HMCN1: variants seen among roughly 807,000 people sequenced by gnomAD.
HMCN1 encodes the protein hemicentin-1.
HMCN1 carries 321 observed loss-of-function variants against 625.9 expected under a neutral mutation model. The ratio of observed to expected loss-of-function variants is 0.51; its 90% confidence interval spans 0.47 to 0.56. The LOEUF is 0.56. Ranked by LOEUF, HMCN1 falls within the 20% of genes least tolerant of loss-of-function variation. The pLI, the probability that HMCN1 is intolerant of heterozygous loss-of-function variation, is 0.00. For synonymous variants in HMCN1, 2,425 were observed against 2,417.6 expected (o/e 1.00, Z -0.09); for missense variants, 6,588 against 6,887.3 (o/e 0.96, Z 1.54).
chr1:186,088,284 A>G lies in HMCN1; in HGVS notation c.9577+8A>G. Reference sequence around the variant, plus strand: ...AGAACCACAAGCGCATAGGTAAGGCAACCATGCATTTTTGTGTGTGTGTGT... The same window carrying G: ...AGAACCACAAGCGCATAGGTAAGGCGACCATGCATTTTTGTGTGTGTGTGT... On this transcript the variant is annotated splice_region_variant and intron_variant, in intron 62 of 106. Coordinates refer to ENST00000271588, the MANE Select transcript of HMCN1 (RefSeq NM_031935.3). The G allele has an allele frequency of 6.2e-7, 1 of 1,612,488 alleles. No homozygotes were observed. The highest frequency in any genetic ancestry group is 8.5e-7 in the Non-Finnish European group (1 of 1,178,996).
Position 186,067,957 on chromosome 1 carries a change from T to G in HMCN1, c.7829T>G (p.Phe2610Cys). 1 of 1,613,814 alleles carries G rather than the reference T, an allele frequency of 6.2e-7. No individual in the cohort carries two copies. Among genetic ancestry groups the G allele is most frequent in the Non-Finnish European group, 8.5e-7 (1 of 1,179,730 alleles). The stretch of plus-strand genomic sequence containing the variant: ...TATCCTCCAGCTACCATCACCTGGT[T>G]TAAGGATGGCACTCCTTTAGAATCT... ...YSYPPATITW[F>C]KDGTPLESNR... The change falls in exon 50 of 107, where the codon TTT becomes TGT. Residue 2610 changes from phenylalanine to cysteine, a missense_variant. By Grantham distance (205) the Phe-to-Cys change is radical (BLOSUM62 -2). Transcript: ENST00000271588.
chr1:186,182,155 T>TGTGTAGTGATAA lies in HMCN1; in HGVS notation c.16295-13_16295-12insGTGTAGTGATAA. The TGTGTAGTGATAA allele has an allele frequency of 6.2e-7, 1 of 1,612,876 alleles. No homozygotes were observed. Among genetic ancestry groups the TGTGTAGTGATAA allele is most frequent in the Non-Finnish European group, 8.5e-7 (1 of 1,179,028 alleles). ...CTTGTGTAGTGATAACTCTCTGTCTTCTTCCTGAACAGATATTGATGAATG... is the reference window on the plus strand; with the variant it reads ...CTTGTGTAGTGATAACTCTCTGTCTTGTGTAGTGATAACTTCCTGAACAGATATTGATGAATG... On this transcript the variant is annotated splice_polypyrimidine_tract_variant and intron_variant, in intron 104 of 106. Transcript: ENST00000271588.
At chr1:185,972,043 C>A (rs1232377914) in intron 15 of HMCN1, among the ~76,000 whole-genome samples, 1 of 152,134 alleles carries the variant, frequency 6.6e-6, no homozygotes, top group Non-Finnish European at 1.5e-5. Context: ...AAGAGGGTCA[C>A]TACATAGAGA....
At chr1:186,047,451 G>T (rs1656651847) in intron 41 of HMCN1, among the ~76,000 whole-genome samples, 1 of 152,094 alleles carries the variant, frequency 6.6e-6, no homozygotes, top group African/African-American at 2.4e-5. Context: ...TCAGAGGAAT[G>T]AAAACTTTTA....
intron 40 of HMCN1, among the ~76,000 whole-genome samples, chr1:186,043,422 C>T (rs1272471548): frequency 1.3e-5 from 2 of 152,022 alleles, no homozygotes; most frequent in African/African-American, 4.8e-5. Flanking sequence ...ACAAATACTC[C>T]ATTGTTTTTG....
At chr1:186,073,161 A>G (rs572868639) in intron 52 of HMCN1, among the ~76,000 whole-genome samples, 1 of 152,262 alleles carries the variant, frequency 6.6e-6, no homozygotes, top group East Asian at 1.9e-4. Context: ...AAAGTTGGGG[A>G]GCAGGGAGCG....
chr1:185,927,296 A>G (rs1667326609), intron 9 of HMCN1, among the ~76,000 whole-genome samples: 1 of 152,230 alleles, frequency 6.6e-6, no homozygotes, highest in African/African-American at 2.4e-5. Flanking sequence ...ATTTGTGCTT[A>G]GTATACTCCT....
At chr1:186,087,876 A>G (rs2102402868) in intron 60 of HMCN1, 56 bp from the exon 61 acceptor site, 1 of 1,460,598 alleles carries the variant, frequency 6.8e-7, no homozygotes, top group Non-Finnish European at 9.6e-7. Flanking sequence ...CTCGAACAGT[A>G]TGATTGGTCA....
At chr1:186,057,905 T>A (rs1183796938) in intron 46 of HMCN1, among the ~76,000 whole-genome samples, 1 of 151,974 alleles carries the variant, frequency 6.6e-6, no homozygotes, top group East Asian at 1.9e-4. Flanking sequence ...TGTGGGAAAA[T>A]CTAAATAGCT....
chr1:186,183,536 ATAAT>A (rs1252793397), intron 105 of HMCN1, among the ~76,000 whole-genome samples: 6 of 152,234 alleles, frequency 3.9e-5, no homozygotes, highest in African/African-American at 1.4e-4. Flanking sequence ...AAGTACTGGA[ATAAT>A]TTATTTAATC....
intron 11 of HMCN1, among the ~76,000 whole-genome samples, chr1:185,940,685 C>G (rs905436970): frequency 2.6e-5 from 4 of 152,162 alleles, no homozygotes; most frequent in African/African-American, 9.7e-5. Flanking sequence ...TTTGAGAAGG[C>G]TGGCTAATGT....
chr1:185,959,612 C>T (rs1381218697), intron 11 of HMCN1, among the ~76,000 whole-genome samples: 1 of 151,932 alleles, frequency 6.6e-6, no homozygotes, highest in Non-Finnish European at 1.5e-5. Context: ...GCAAGTTGTT[C>T]TTGATGATGA....
rs754067084 is a variant in HMCN1, at chr1:186,070,650, G to A, written c.8032G>A (p.Gly2678Ser). The part of the protein sequence containing the change: ...IINKGDLWGP[G>S]LSPKEVKIKV... ...CAATAAAGGGGACCTTTGGGGGCCA[G>A]GTCTTTCCCCTAAAGAAGTGAAGAT... The change falls in exon 52 of 107, where the codon GGT (glycine) becomes AGT (serine). Residue 2678 changes from glycine to serine, a missense_variant. By Grantham distance (56) the Gly-to-Ser change is moderately conservative. Coordinates refer to ENST00000271588, the MANE Select transcript of HMCN1 (RefSeq NM_031935.3). The A allele has an allele frequency of 6.2e-7, 1 of 1,613,444 alleles. No individual in the cohort carries two copies. The highest frequency in any genetic ancestry group is 8.5e-7 in the Non-Finnish European group (1 of 1,179,432).
intron 69 of HMCN1, among the ~76,000 whole-genome samples, chr1:186,105,535 G>A (rs904625747): frequency 6.6e-6 from 1 of 152,170 alleles, no homozygotes; most frequent in Admixed American, 6.5e-5. Flanking sequence ...TATCCCAAGA[G>A]GGGAGGGGAC....
chr1:186,001,707 C>A lies in HMCN1; in HGVS notation c.4314C>A (p.Gly1438=). 2 of 1,612,096 alleles carry A rather than the reference C, an allele frequency of 1.2e-6. No individual in the cohort carries two copies. Among genetic ancestry groups the A allele is most frequent in the Non-Finnish European group, 1.7e-6 (2 of 1,178,540 alleles). The part of the protein sequence containing the change: ...RYSCKAINIA[G]TSQKYFNIDV... ...CCTGCAAAGCAATTAATATTGCAGG[C>A]ACTTCTCAGAAGTACTTTAACATTG... Residue 1438 remains glycine (G), a synonymous_variant, in exon 28 of 107, where the codon GGC becomes GGA. Coordinates refer to ENST00000271588, the MANE Select transcript of HMCN1 (RefSeq NM_031935.3).
intron 4 of HMCN1, among the ~76,000 whole-genome samples, chr1:185,878,009 G>A (rs1032680225): frequency 2.0e-5 from 3 of 151,958 alleles, no homozygotes; most frequent in African/African-American, 7.3e-5. Flanking sequence ...CTGTTGAATG[G>A]CTGTTGTAAA....
intron 2 of HMCN1, among the ~76,000 whole-genome samples, chr1:185,861,362 T>A (rs918008877): frequency 6.6e-6 from 1 of 152,216 alleles, no homozygotes; most frequent in African/African-American, 2.4e-5. Context: ...TAAAAGACAT[T>A]TAATCTCTCC....
At position 185,923,451 on chromosome 1, in the gene HMCN1, T is replaced by A. The variant is rs775215428; in HGVS notation, c.1083T>A (p.Leu361=). The change falls in exon 8 of 107, where the codon CTT becomes CTA. Residue 361 remains leucine, a synonymous_variant. Coordinates refer to ENST00000271588, the MANE Select transcript of HMCN1 (RefSeq NM_031935.3). The part of the protein sequence containing the change: ...SGISTPARID[L]LELLSISGSS... ...TTTCCACTCCAGCTAGAATAGATCTTCTTGAACTTTTGAGTATCTCAGGAA... is the reference window on the plus strand; with the variant it reads ...TTTCCACTCCAGCTAGAATAGATCTACTTGAACTTTTGAGTATCTCAGGAA... 1 of 1,610,382 alleles carries A rather than the reference T, an allele frequency of 6.2e-7. No individual in the cohort carries two copies. The highest frequency in any genetic ancestry group is 1.1e-5 in the South Asian group (1 of 90,996).
At chr1:185,796,391 C>A (rs1460968742) in intron 1 of HMCN1, among the ~76,000 whole-genome samples, 1 of 152,046 alleles carries the variant, frequency 6.6e-6, no homozygotes, top group Non-Finnish European at 1.5e-5. Flanking sequence ...GTACATTGTA[C>A]CCATTAGGTA....
Sources: gnomAD v4.1 joint callset for allele counts (sites outside exome capture counted in the v4.1 genomes callset) on GRCh38, gnomAD v4.1.1 for gene constraint, MANE v1.5 for transcripts, NCBI Gene and HGNC (gene_info 2026-07-23, HGNC 2026-07-21) for gene names.